Variants in SPAG16 observed in about 807,000 individuals in gnomAD.
SPAG16 encodes the protein sperm associated antigen 16, also known as sperm-associated antigen 16 protein.
A neutral mutation model predicts 80.4 loss-of-function variants in SPAG16; 86 were observed. That is an observed-to-expected ratio of 1.07 (90% CI 0.90 to 1.28). The LOEUF (loss-of-function observed/expected upper bound fraction) is 1.28. Among genes scored for constraint, SPAG16 ranks in the 50% most tolerant of loss-of-function variants. SPAG16 has a pLI of 0.00. For missense variants in SPAG16, 870 were observed against 765.3 expected (o/e 1.14, Z -1.61); for synonymous variants, 294 against 265.9 (o/e 1.11, Z -1.03).
At chr2:213,533,157 A>G (rs2076128206) in intron 10 of SPAG16, among the ~76,000 whole-genome samples, 1 of 152,210 alleles carries the variant, frequency 6.6e-6, no homozygotes, top group African/African-American at 2.4e-5. Context: ...TAGCACATAT[A>G]TGCATGAATG....
intron 14 of SPAG16, among the ~76,000 whole-genome samples, chr2:214,142,737 T>C (rs1180743016): frequency 6.6e-6 from 1 of 152,160 alleles, no homozygotes; most frequent in Non-Finnish European, 1.5e-5. Context: ...CTTAAATGTA[T>C]AGATTAACAA....
chr2:213,583,524 T>C (rs1286226524), intron 10 of SPAG16, among the ~76,000 whole-genome samples: 1 of 152,142 alleles, frequency 6.6e-6, no homozygotes, highest in Non-Finnish European at 1.5e-5. Flanking sequence ...GTGTGTATAA[T>C]GCTTCATATA....
At chr2:213,588,150 G>C (rs866529810) in intron 10 of SPAG16, among the ~76,000 whole-genome samples, 1 of 152,186 alleles carries the variant, frequency 6.6e-6, no homozygotes, top group South Asian at 2.1e-4. Context: ...ATTTAAAATT[G>C]TCACCTGAGT....
At chr2:213,763,914 G>A (rs2068795281) in intron 10 of SPAG16, among the ~76,000 whole-genome samples, 1 of 152,126 alleles carries the variant, frequency 6.6e-6, no homozygotes, top group South Asian at 2.1e-4. Context: ...AATATGAGAA[G>A]GACTAATGAG....
chr2:213,379,845 C>T (rs951911108), intron 9 of SPAG16, among the ~76,000 whole-genome samples: 2 of 152,224 alleles, frequency 1.3e-5, no homozygotes, highest in Non-Finnish European at 2.9e-5. Flanking sequence ...ACCTCCATCC[C>T]TGCCACCATG....
intron 11 of SPAG16, among the ~76,000 whole-genome samples, chr2:213,905,884 G>A (rs1360351646): frequency 2.0e-5 from 3 of 152,272 alleles, no homozygotes; most frequent in Non-Finnish European, 4.4e-5. Flanking sequence ...TAGTAGCAGA[G>A]GCAGAGAATG....
At chr2:213,748,901 C>A (rs1338749722) in intron 10 of SPAG16, among the ~76,000 whole-genome samples, 1 of 152,174 alleles carries the variant, frequency 6.6e-6, no homozygotes, top group Non-Finnish European at 1.5e-5. Flanking sequence ...GTAATCCTAG[C>A]ACTTTGAGAG....
chr2:213,447,453 A>G (rs75035571), intron 9 of SPAG16, among the ~76,000 whole-genome samples: 2 of 152,178 alleles, frequency 1.3e-5, no homozygotes, highest in Non-Finnish European at 2.9e-5. Flanking sequence ...GAACCCCATG[A>G]TAAATCCCCT....
intron 10 of SPAG16, among the ~76,000 whole-genome samples, chr2:213,656,419 A>G (rs2063226836): frequency 3.3e-5 from 5 of 152,322 alleles, no homozygotes; most frequent in Admixed American, 3.3e-4. Context: ...TCGGCCTCCC[A>G]AAGTGCTGGG....
At chr2:213,767,216 C>G (rs532961607) in intron 10 of SPAG16, among the ~76,000 whole-genome samples, 1 of 152,138 alleles carries the variant, frequency 6.6e-6, no homozygotes, top group African/African-American at 2.4e-5. Flanking sequence ...TGTCTTAACA[C>G]GCATTATATG....
chr2:214,026,612 G>C (rs1157113043), intron 13 of SPAG16, among the ~76,000 whole-genome samples: 1 of 151,372 alleles, frequency 6.6e-6, no homozygotes. Flanking sequence ...TTTCTGCTTT[G>C]AGTGTATTTG....
At chr2:214,176,317 A>G (rs1484279070) in intron 15 of SPAG16, among the ~76,000 whole-genome samples, 3 of 151,300 alleles carry the variant, frequency 2.0e-5, no homozygotes, top group Non-Finnish European at 4.4e-5. Context: ...TAGAGGTGCT[A>G]TAGATAGTCA....
intron 15 of SPAG16, among the ~76,000 whole-genome samples, chr2:214,305,391 C>T (rs1454855943): frequency 1.3e-5 from 2 of 152,080 alleles, no homozygotes; most frequent in Non-Finnish European, 2.9e-5. Flanking sequence ...TCCCATTTGT[C>T]AACTTTTTCA....
intron 5 of SPAG16, among the ~76,000 whole-genome samples, chr2:213,336,883 A>T (rs1402683412): frequency 6.6e-6 from 1 of 152,166 alleles, no homozygotes; most frequent in African/African-American, 2.4e-5. Flanking sequence ...CAGACTGCTT[A>T]TTTAAGCAGG....
chr2:213,362,559 G>A (rs2066040372), intron 7 of SPAG16, among the ~76,000 whole-genome samples: 2 of 152,144 alleles, frequency 1.3e-5, no homozygotes, highest in African/African-American at 4.8e-5. Context: ...AGTACTGTTG[G>A]TAGCATGAAC....
At chr2:213,482,703 C>T (rs866608036) in intron 9 of SPAG16, among the ~76,000 whole-genome samples, 8 of 152,126 alleles carry the variant, frequency 5.3e-5, no homozygotes, top group Non-Finnish European at 1.0e-4. Flanking sequence ...GACACAGAGT[C>T]TGGTAATAGA....
chr2:213,323,629 G>A (rs1414152727), intron 5 of SPAG16, among the ~76,000 whole-genome samples: 1 of 152,142 alleles, frequency 6.6e-6, no homozygotes, highest in Non-Finnish European at 1.5e-5. Context: ...GTATTTATTT[G>A]AAGTGAATTG....
At chr2:214,068,358 T>G (rs1428779735) in intron 13 of SPAG16, among the ~76,000 whole-genome samples, 1 of 152,156 alleles carries the variant, frequency 6.6e-6, no homozygotes, top group Non-Finnish European at 1.5e-5. Context: ...CAAACCATTA[T>G]GTTGAACTCA....
chr2:213,922,623 G>A (rs1315704036), intron 11 of SPAG16, among the ~76,000 whole-genome samples: 1 of 152,206 alleles, frequency 6.6e-6, no homozygotes, highest in Non-Finnish European at 1.5e-5. Flanking sequence ...AGTTGTCAGA[G>A]TTCTTTCACT....
Sources: gnomAD v4.1 joint callset for allele counts (sites outside exome capture counted in the v4.1 genomes callset) on GRCh38, gnomAD v4.1.1 for gene constraint, MANE v1.5 for transcripts, NCBI Gene and HGNC (gene_info 2026-07-23, HGNC 2026-07-21) for gene names.